C6orf118: variants seen among roughly 807,000 people sequenced by gnomAD.
C6orf118 encodes chromosome 6 open reading frame 118, also known as uncharacterized protein C6orf118.
Under a neutral mutation model 50.2 loss-of-function variants are expected in C6orf118, and 50 were observed. The observed-to-expected ratio is 1.00, with a 90% CI of 0.79 to 1.26. The LOEUF (loss-of-function observed/expected upper bound fraction) is 1.26, where lower values mean the gene tolerates loss of function less well. Ranked by LOEUF, C6orf118 falls within the 50% of genes most tolerant of loss-of-function variation. C6orf118 has a pLI of 0.00. For missense variants in C6orf118, 641 were observed against 578.7 expected (o/e 1.11, Z -1.10); for synonymous variants, 239 against 230.9 (o/e 1.03, Z -0.32).
In C6orf118 at chr6:165,279,853, T is replaced by G. The variant is rs1432240566; in HGVS notation, c.*204A>C. 4.5e-6 allele frequency: 2 copies of G among 446,824 alleles called. No homozygotes were observed. The highest frequency in any genetic ancestry group is 4.1e-5 in the African/African-American group (2 of 48,930). The allele number at this position is 446,824 out of a possible 1,614,324, so 27.7% of individuals were successfully genotyped here. A position where few individuals can be genotyped will look rare whatever the true frequency, so the allele number is the denominator to read the frequency against. On this transcript the variant is annotated 3_prime_UTR_variant, in exon 9 of 9. Coordinates refer to ENST00000230301, the MANE Select transcript of C6orf118 (RefSeq NM_144980.4). ...TTAAGAACTAGTATTGTTGTAAATA[T>G]GTATGCAACAGAAACTAATCATGTG... is the stretch of plus-strand genomic sequence containing the variant.
Position 165,302,910 on chromosome 6 carries a change from T to A in C6orf118, c.26-614A>T, listed in dbSNP as rs1445029930. The stretch of plus-strand genomic sequence containing the variant: ...ATTGACACCCAGGTGGAACCACTTT[T>A]GGCAAAGAGGCACATGGCCTAGAAG... On this transcript the variant is annotated intron_variant, in intron 1 of 8. Transcript: ENST00000230301. Among the ~76,000 whole-genome samples the A allele has an allele frequency of 3.9e-5, 6 of 152,222 alleles. No homozygotes were observed. The East Asian group carries it at 9.6e-4, about 24-fold the overall frequency.
At chr6:165,282,255 A>T (rs1779752810) in intron 7 of C6orf118, among the ~76,000 whole-genome samples, 1 of 152,206 alleles carries the variant, frequency 6.6e-6, no homozygotes, top group African/African-American at 2.4e-5. Flanking sequence ...TAAATTCAAA[A>T]TACCAAAAGT....
chr6:165,299,603 A>G, intron 3 of C6orf118, 101 bp from the exon 4 acceptor site: 2 of 825,902 alleles, frequency 2.4e-6, no homozygotes, highest in East Asian at 2.6e-5. Flanking sequence ...ATGTTCATTT[A>G]GATCATTTCA....
At position 165,279,854 on chromosome 6, in the gene C6orf118, G is replaced by T. The variant is rs1322260421; in HGVS notation, c.*203C>A. 2 of 450,148 alleles carry T rather than the reference G, an allele frequency of 4.4e-6. No homozygotes were observed. Among genetic ancestry groups the T allele is most frequent in the East Asian group, 7.2e-5 (2 of 27,924 alleles). 27.9% of individuals were successfully genotyped at this position (450,148 alleles called of 1,614,324 possible). A position where few individuals can be genotyped will look rare whatever the true frequency, so the allele number is the denominator to read the frequency against. ...TAAGAACTAGTATTGTTGTAAATATGTATGCAACAGAAACTAATCATGTGT... is the reference window on the plus strand; with the variant it reads ...TAAGAACTAGTATTGTTGTAAATATTTATGCAACAGAAACTAATCATGTGT... On this transcript the variant is annotated 3_prime_UTR_variant, in exon 9 of 9. Coordinates refer to ENST00000230301, the MANE Select transcript of C6orf118 (RefSeq NM_144980.4).
intron 7 of C6orf118, chr6:165,281,956 G>T (rs2128156198): frequency 4.1e-6 from 1 of 244,400 alleles, no homozygotes; most frequent in Admixed American, 5.7e-5. Flanking sequence ...AATTCCAGAA[G>T]TGAAGGGTTC....
At chr6:165,299,544 A>G (rs1346028123) in intron 3 of C6orf118, 42 bp from the exon 4 acceptor site, 3 of 1,492,196 alleles carry the variant, frequency 2.0e-6, no homozygotes, top group Admixed American at 1.7e-5. Context: ...ATGTATGAGG[A>G]GGCCACAGTG....
chr6:165,298,205 C>A, intron 4 of C6orf118, 104 bp from the exon 5 acceptor site: 76 of 1,320,418 alleles, frequency 5.8e-5, no homozygotes, highest in East Asian at 1.5e-4. Flanking sequence ...CCTGGGTTAA[C>A]ATATAAGTTC....
intron 2 of C6orf118, among the ~76,000 whole-genome samples, chr6:165,301,245 C>T (rs1395573351): frequency 1.3e-5 from 2 of 152,126 alleles, no homozygotes; most frequent in Non-Finnish European, 2.9e-5. Flanking sequence ...CTCAGCTCAC[C>T]GTCGTGGCTG....
chr6:165,279,830 A>G lies in C6orf118; in HGVS notation c.*227T>C, dbSNP rs1779668810. ...ATTAAATGAAAGTAAAACATACGTTAAGAACTAGTATTGTTGTAAATATGT... is the reference window on the plus strand; with the variant it reads ...ATTAAATGAAAGTAAAACATACGTTGAGAACTAGTATTGTTGTAAATATGT... On this transcript the variant is annotated 3_prime_UTR_variant, in exon 9 of 9. Coordinates refer to ENST00000230301, the MANE Select transcript of C6orf118 (RefSeq NM_144980.4). 4.9e-6 allele frequency: 2 copies of G among 407,140 alleles called. No individual in the cohort carries two copies. The highest frequency in any genetic ancestry group is 8.6e-6 in the Non-Finnish European group (2 of 232,614). 25.2% of individuals were successfully genotyped at this position (407,140 alleles called of 1,614,324 possible).
chr6:165,301,067 T>C lies in C6orf118; in HGVS notation c.753+502A>G, dbSNP rs375113891. ...CATCTGATTTACTGTTGCAGCCACA[T>C]GGCCTCCAATGCGTCCGCTATGGGC... On this transcript the variant is annotated intron_variant, in intron 2 of 8. Transcript: ENST00000230301. Among the ~76,000 whole-genome samples the C allele has an allele frequency of 2.0e-4, 31 of 152,150 alleles. No homozygotes were observed. In the East Asian group the frequency reaches 2.3e-3, roughly 11 times the overall value.
chr6:165,287,765 C>A (rs576744061), intron 7 of C6orf118, among the ~76,000 whole-genome samples: 1 of 152,220 alleles, frequency 6.6e-6, no homozygotes, highest in Admixed American at 6.5e-5. Flanking sequence ...CTCCCTTACA[C>A]CTTATACAAA....
intron 3 of C6orf118, 103 bp from the exon 4 acceptor site, chr6:165,299,605 A>T: frequency 1.2e-6 from 1 of 825,720 alleles, no homozygotes; most frequent in South Asian, 1.7e-5. Flanking sequence ...GTTCATTTAG[A>T]TCATTTCAGA....
intron 5 of C6orf118, among the ~76,000 whole-genome samples, chr6:165,297,401 T>G (rs1166323327): frequency 8.0e-6 from 1 of 124,334 alleles, no homozygotes; most frequent in Non-Finnish European, 1.7e-5. Flanking sequence ...AAGTCTCCAT[T>G]AAAAAAAAAA....
chr6:165,296,361 G>C (rs775547158), intron 5 of C6orf118, among the ~76,000 whole-genome samples: 1 of 144,286 alleles, frequency 6.9e-6, no homozygotes, highest in Admixed American at 7.4e-5. Flanking sequence ...ACAGTTTCTC[G>C]TGCTTCTCCT....
In C6orf118 at chr6:165,302,174, T is replaced by C; in HGVS notation, c.148A>G (p.Lys50Glu). ...NLKKLLNRLQ[K>E]DHREDVYLYI... ...AGGTAGACGTCCTCCCGGTGGTCTT[T>C]CTGAAGCCGATTCAGAAGTTTCTTC... The change falls in exon 2 of 9, where the codon AAA becomes GAA. Residue 50 changes from lysine (K) to glutamate (E), a missense_variant. Coordinates refer to ENST00000230301, the MANE Select transcript of C6orf118 (RefSeq NM_144980.4). 2 of 1,614,076 alleles carry C rather than the reference T, an allele frequency of 1.2e-6. No individual in the cohort carries two copies. The highest frequency in any genetic ancestry group is 1.7e-6 in the Non-Finnish European group (2 of 1,180,000).
In C6orf118 at chr6:165,293,476, A is replaced by G; in HGVS notation, c.1062-5T>C. On this transcript the variant is annotated splice_polypyrimidine_tract_variant and splice_region_variant and intron_variant, in intron 5 of 8. Transcript: ENST00000230301. ...ATCTCCAGTTCACTTCTGAGTCTAC[A>G]ATGTGAGGATAAACAATAGGGAAAT... 1 of 1,611,596 alleles carries G rather than the reference A, an allele frequency of 6.2e-7. No individual in the cohort carries two copies. The highest frequency in any genetic ancestry group is 8.5e-7 in the Non-Finnish European group (1 of 1,178,182).
chr6:165,306,752 A>C (rs1360535431), intron 1 of C6orf118, among the ~76,000 whole-genome samples: 1 of 152,182 alleles, frequency 6.6e-6, no homozygotes, highest in African/African-American at 2.4e-5. Context: ...TCAGCAAGTC[A>C]ATCAACACAA....
chr6:165,291,430 A>C (rs1231885239), intron 6 of C6orf118, among the ~76,000 whole-genome samples: 1 of 152,152 alleles, frequency 6.6e-6, no homozygotes, highest in African/African-American at 2.4e-5. Context: ...CTGTGTTGGA[A>C]GAGGTTGAGG....
chr6:165,296,505 G>A (rs1295549691), intron 5 of C6orf118, among the ~76,000 whole-genome samples: 1 of 152,104 alleles, frequency 6.6e-6, no homozygotes, highest in African/African-American at 2.4e-5. Context: ...TAGGGGCCAT[G>A]AGAATATGCT....
Sources: gnomAD v4.1 joint callset for allele counts (sites outside exome capture counted in the v4.1 genomes callset) on GRCh38, gnomAD v4.1.1 for gene constraint, MANE v1.5 for transcripts, NCBI Gene and HGNC (gene_info 2026-07-23, HGNC 2026-07-21) for gene names.